The following UMAD1 variants were observed in gnomAD, a reference collection of about 807,000 sequenced individuals.
The protein encoded by UMAD1 is UBAP1-MVB12-associated (UMA) domain containing 1, also known as UBAP1-MVB12-associated (UMA)-domain containing protein 1.
A neutral mutation model predicts 6.1 loss-of-function variants in UMAD1; 8 were observed. That is an observed-to-expected ratio of 1.30 (90% CI 0.76 to 2.35). The LOEUF (loss-of-function observed/expected upper bound fraction) is 2.35, where lower values mean the gene tolerates loss of function less well. Ranked by LOEUF, UMAD1 falls within the 30% of genes most tolerant of loss-of-function variation. The probability of loss-of-function intolerance (pLI) is 0.00; values close to 1 mark genes in which losing one functional copy is unlikely to be tolerated. For missense variants in UMAD1, 130 were observed against 78.4 expected, an observed-to-expected ratio of 1.66 and a Z score of -2.49; for synonymous variants, 56 against 31.4, an observed-to-expected ratio of 1.78 and a Z score of -2.61.
chr7:7,822,375 T>C (rs561573311), intron 3 of UMAD1, among the ~76,000 whole-genome samples: 1 of 152,068 alleles, frequency 6.6e-6, no homozygotes, highest in Non-Finnish European at 1.5e-5. Flanking sequence ...GTTAATCTTG[T>C]TCCAAAAAAA....
rs58039932 is a variant in UMAD1, at chr7:7,777,574, A to AATATATATATATATATATATATATAT, written c.83-24093_83-24068dup. On this transcript the variant is annotated intron_variant, in intron 2 of 3. Transcript: ENST00000682710. Reference sequence around the variant, plus strand: ...ATTTATGTCATTTCATACATGAGCAAATATATATATATATATATATATATA... The same window carrying AATATATATATATATATATATATATAT: ...ATTTATGTCATTTCATACATGAGCAAATATATATATATATATATATATATATATATATATATATATATATATATATA... 3.2e-3 allele frequency among the ~76,000 whole-genome samples: 363 copies of AATATATATATATATATATATATATAT among 113,418 alleles called. 10 individuals carry two copies. The highest frequency in any genetic ancestry group is 3.8e-3 in the Non-Finnish European group (219 of 57,286). The allele number at this position is 113,418 out of a possible 152,430, so 74.4% of individuals were successfully genotyped here. A position where few individuals can be genotyped will look rare whatever the true frequency, so the allele number is the denominator to read the frequency against.
chr7:7,800,829 A>G (rs1283570279), intron 2 of UMAD1, among the ~76,000 whole-genome samples: 1 of 152,194 alleles, frequency 6.6e-6, no homozygotes, highest in Non-Finnish European at 1.5e-5. Flanking sequence ...CAGCTAAGCC[A>G]TCATCCATTT....
chr7:7,813,256 C>T (rs1158047238), intron 3 of UMAD1, among the ~76,000 whole-genome samples: 2 of 152,152 alleles, frequency 1.3e-5, no homozygotes, highest in African/African-American at 4.8e-5. Flanking sequence ...CGCTCTGTCG[C>T]CCAGGCTGGA....
chr7:7,875,003 A>G (rs1416252798), intron 3 of UMAD1, among the ~76,000 whole-genome samples: 5 of 152,130 alleles, frequency 3.3e-5, no homozygotes, highest in Non-Finnish European at 7.4e-5. Context: ...CGAACTCCCG[A>G]CCTCAGGTGA....
chr7:7,811,986 A>T (rs765794194), intron 3 of UMAD1, among the ~76,000 whole-genome samples: 1 of 152,182 alleles, frequency 6.6e-6, no homozygotes, highest in Non-Finnish European at 1.5e-5. Context: ...TGCCAAGATA[A>T]ACTTACAGCC....
chr7:7,819,445 AGGGTC>A (rs1783199466), intron 3 of UMAD1, among the ~76,000 whole-genome samples: 1 of 152,180 alleles, frequency 6.6e-6, no homozygotes, highest in Non-Finnish European at 1.5e-5. Flanking sequence ...TGATTTCTGC[AGGGTC>A]TCTTTAGGTA....
At chr7:7,735,907 A>G (rs1371985497) in intron 2 of UMAD1, 1 of 151,832 alleles carries the variant, frequency 6.6e-6, no homozygotes, top group Admixed American at 6.6e-5. Context: ...ATCATTAGGC[A>G]CATCCATAGG....
chr7:7,767,460 A>T (rs1326839055), intron 2 of UMAD1, among the ~76,000 whole-genome samples: 1 of 152,194 alleles, frequency 6.6e-6, no homozygotes, highest in African/African-American at 2.4e-5. Flanking sequence ...AGGATTAAAC[A>T]ATGTGCGTTG....
chr7:7,838,763 A>C (rs1404785717), intron 3 of UMAD1, among the ~76,000 whole-genome samples: 3 of 152,234 alleles, frequency 2.0e-5, no homozygotes, highest in Admixed American at 6.5e-5. Context: ...AGGATATGAA[A>C]ATAGATTTAA....
At chr7:7,727,415 T>G (rs543850111) in intron 2 of UMAD1, among the ~76,000 whole-genome samples, 4 of 152,252 alleles carry the variant, frequency 2.6e-5, no homozygotes, top group Non-Finnish European at 5.9e-5. Flanking sequence ...GGCATAATTA[T>G]GACCTTATTA....
intron 2 of UMAD1, among the ~76,000 whole-genome samples, chr7:7,700,989 A>G (rs1397691258): frequency 6.6e-6 from 1 of 152,204 alleles, no homozygotes; most frequent in Non-Finnish European, 1.5e-5. Context: ...GTTTGAGGCT[A>G]CAGTGAGCTA....
At chr7:7,856,198 C>T (rs1449760192) in intron 3 of UMAD1, among the ~76,000 whole-genome samples, 6 of 152,184 alleles carry the variant, frequency 3.9e-5, no homozygotes, top group African/African-American at 1.4e-4. Flanking sequence ...AAGCTATGCC[C>T]CACTACTTCA....
intron 3 of UMAD1, among the ~76,000 whole-genome samples, chr7:7,840,862 A>G (rs1014307105): frequency 8.5e-5 from 13 of 152,172 alleles, no homozygotes; most frequent in African/African-American, 3.1e-4. Flanking sequence ...TTGACGTTCT[A>G]CAGTTGTTGT....
intron 1 of UMAD1, among the ~76,000 whole-genome samples, chr7:7,669,873 GT>G (rs1337056640): frequency 1.3e-5 from 2 of 152,032 alleles, no homozygotes; most frequent in Non-Finnish European, 2.9e-5. Context: ...TTCCTGACCT[GT>G]TTTTTTCCAT....
At chr7:7,798,692 A>C (rs1782736794) in intron 2 of UMAD1, among the ~76,000 whole-genome samples, 1 of 152,116 alleles carries the variant, frequency 6.6e-6, no homozygotes, top group East Asian at 1.9e-4. Flanking sequence ...GTTTCCTCCC[A>C]CCTTGGCCCT....
intron 3 of UMAD1, among the ~76,000 whole-genome samples, chr7:7,860,069 G>C (rs890148052): frequency 6.6e-6 from 1 of 152,126 alleles, no homozygotes; most frequent in Non-Finnish European, 1.5e-5. Context: ...CCAAGAGCGG[G>C]TAAGGACATC....
At chr7:7,663,355 A>ATTGC (rs1785524332) in intron 1 of UMAD1, among the ~76,000 whole-genome samples, 1 of 78,650 alleles carries the variant, frequency 1.3e-5, no homozygotes, top group Non-Finnish European at 2.9e-5. Context: ...AATTTATGTT[A>ATTGC]ATCAATTTAA....
chr7:7,705,891 GC>G (rs1384638712), intron 2 of UMAD1, among the ~76,000 whole-genome samples: 2 of 152,084 alleles, frequency 1.3e-5, no homozygotes, highest in African/African-American at 4.8e-5. Context: ...ATGTGTAGGG[GC>G]AGGAGTTATA....
At chr7:7,644,288 A>G (rs1283778825) in intron 1 of UMAD1, among the ~76,000 whole-genome samples, 1 of 148,380 alleles carries the variant, frequency 6.7e-6, no homozygotes, top group African/African-American at 2.5e-5. Flanking sequence ...TATTAGTGAG[A>G]TATTGTAATG....
Sources: gnomAD v4.1 joint callset for allele counts (sites outside exome capture counted in the v4.1 genomes callset) on GRCh38, gnomAD v4.1.1 for gene constraint, MANE v1.5 for transcripts, NCBI Gene and HGNC (gene_info 2026-07-23, HGNC 2026-07-21) for gene names.